The following ACBD6 variants were observed in gnomAD, a reference collection of about 807,000 sequenced individuals.
ACBD6 encodes acyl-CoA-binding domain-containing protein 6.
Under a neutral mutation model 37.2 loss-of-function variants are expected in ACBD6, and 28 were observed. That is an observed-to-expected ratio of 0.75 (90% CI 0.56 to 1.03). ACBD6 has a LOEUF of 1.03. ACBD6 is among the 50% of genes least tolerant of loss of function. ACBD6 has a pLI of 0.00. For missense variants in ACBD6, 340 were observed against 337.4 expected (o/e 1.01, Z -0.06); for synonymous variants, 113 against 126.8 (o/e 0.89, Z 0.73).
intron 7 of ACBD6, among the ~76,000 whole-genome samples, chr1:180,314,351 T>C (rs548007607): frequency 2.2e-4 from 33 of 152,234 alleles, no homozygotes; most frequent in African/African-American, 7.9e-4. Context: ...TTCAAGCGAT[T>C]CTCCTGTCTC....
At chr1:180,346,843 C>T (rs758413744) in intron 6 of ACBD6, among the ~76,000 whole-genome samples, 29 of 152,022 alleles carry the variant, frequency 1.9e-4, no homozygotes, top group Non-Finnish European at 3.5e-4. Context: ...CATGGCAAGA[C>T]CCCATCTACA....
downstream of ACBD6, chr1:180,287,508 T>C (rs1268242199): frequency 6.6e-6 from 1 of 150,916 alleles, no homozygotes; most frequent in African/African-American, 2.4e-5. Context: ...AAAGCTCTTC[T>C]GGTATCCAGA....
intron 6 of ACBD6, among the ~76,000 whole-genome samples, chr1:180,383,583 T>G (rs1041239618): frequency 6.6e-6 from 1 of 152,188 alleles, no homozygotes; most frequent in African/African-American, 2.4e-5. Flanking sequence ...ACTGTTTAAA[T>G]GACCACACTG....
chr1:180,375,485 C>T (rs1437010895), intron 6 of ACBD6, among the ~76,000 whole-genome samples: 1 of 152,138 alleles, frequency 6.6e-6, no homozygotes, highest in African/African-American at 2.4e-5. Flanking sequence ...ACCACCATGC[C>T]TGGCTAATTT....
chr1:180,395,763 C>T (rs559636438), intron 6 of ACBD6, among the ~76,000 whole-genome samples: 206 of 152,186 alleles, frequency 1.4e-3, no homozygotes, highest in South Asian at 3.7e-3. Context: ...AAAAATTAAA[C>T]GTAGAATTAT....
At chr1:180,314,638 A>G in intron 7 of ACBD6, 54 bp downstream of exon 7, 2 of 1,397,286 alleles carry the variant, frequency 1.4e-6, no homozygotes. Context: ...GTTGAAATAA[A>G]CAAATAGAGA....
At chr1:180,271,425 C>T in exon 14 of ACBD6, 1 of 1,614,142 alleles carries the variant, frequency 6.2e-7, no homozygotes, top group Non-Finnish European at 8.5e-7. Context: ...ACCATCACAG[C>T]CAAGCAGCTG....
intron 5 of ACBD6, 58 bp downstream of exon 5, chr1:180,413,308 G>T: frequency 7.6e-7 from 1 of 1,319,528 alleles, no homozygotes; most frequent in Non-Finnish European, 1.1e-6. Flanking sequence ...TTAGGAAAAG[G>T]CACTGGGGCA....
intron 6 of ACBD6, among the ~76,000 whole-genome samples, chr1:180,383,021 T>C (rs1480413009): frequency 2.6e-5 from 4 of 152,112 alleles, no homozygotes; most frequent in Non-Finnish European, 5.9e-5. Flanking sequence ...CTCAACAAAC[T>C]AGGCATAGAT....
intron 13 of ACBD6, among the ~76,000 whole-genome samples, chr1:180,272,296 C>T (rs1322496780): frequency 6.6e-6 from 1 of 152,186 alleles, no homozygotes; most frequent in Non-Finnish European, 1.5e-5. Context: ...CCCTCATCAG[C>T]CCACACAGCT....
chr1:180,360,988 T>TGAC (rs1652825548), intron 6 of ACBD6, among the ~76,000 whole-genome samples: 1 of 151,490 alleles, frequency 6.6e-6, no homozygotes, highest in Non-Finnish European at 1.5e-5. Flanking sequence ...CAAAGGGGGG[T>TGAC]CAGTTGAATT....
At chr1:180,280,320 C>T (rs1218541751) in intron 9 of ACBD6, among the ~76,000 whole-genome samples, 2 of 151,830 alleles carry the variant, frequency 1.3e-5, no homozygotes, top group African/African-American at 4.8e-5. Context: ...ATTTCCCTCT[C>T]CCCCTTTGTT....
chr1:180,356,945 T>C (rs1652654777), intron 6 of ACBD6, among the ~76,000 whole-genome samples: 1 of 152,026 alleles, frequency 6.6e-6, no homozygotes, highest in Non-Finnish European at 1.5e-5. Context: ...ATCATAACCA[T>C]TACAGTAAAA....
chr1:180,356,851 AAAAG>A (rs1652649006), intron 6 of ACBD6, among the ~76,000 whole-genome samples: 2 of 35,076 alleles, frequency 5.7e-5, no homozygotes. Context: ...ACCTTGTCTC[AAAAG>A]AAAAAAAAAA....
At chr1:180,388,304 G>C (rs1653924442) in intron 6 of ACBD6, among the ~76,000 whole-genome samples, 1 of 152,010 alleles carries the variant, frequency 6.6e-6, no homozygotes, top group Non-Finnish European at 1.5e-5. Context: ...TATTTGCTGT[G>C]TATGTCCAGG....
intron 6 of ACBD6, among the ~76,000 whole-genome samples, chr1:180,316,857 T>C (rs1650833427): frequency 6.6e-6 from 1 of 152,138 alleles, no homozygotes; most frequent in South Asian, 2.1e-4. Flanking sequence ...CAAATAAATA[T>C]ATTTAATACT....
At chr1:180,481,334 A>C (rs1163863168) in intron 3 of ACBD6, among the ~76,000 whole-genome samples, 2 of 152,156 alleles carry the variant, frequency 1.3e-5, no homozygotes, top group Non-Finnish European at 2.9e-5. Flanking sequence ...ATTTAGAATC[A>C]ATATAGACTG....
intron 6 of ACBD6, among the ~76,000 whole-genome samples, chr1:180,369,372 TGA>T (rs1388787276): frequency 2.6e-5 from 4 of 152,358 alleles, no homozygotes; most frequent in African/African-American, 9.6e-5. Context: ...TGGTTGATCC[TGA>T]GAGTGAGCTG....
chr1:180,480,284 G>T (rs1401777682), intron 3 of ACBD6, among the ~76,000 whole-genome samples: 1 of 151,268 alleles, frequency 6.6e-6, no homozygotes, highest in African/African-American at 2.4e-5. Context: ...CATTGCAACA[G>T]CCTAGGCAAG....
Sources: allele counts gnomAD v4.1 joint callset (sites outside exome capture counted in the v4.1 genomes callset), GRCh38; gene constraint gnomAD v4.1.1; transcripts MANE v1.5; gene names NCBI Gene and HGNC (gene_info 2026-07-23, HGNC 2026-07-21).